The following GNB1L variants were observed in gnomAD, a reference collection of about 807,000 sequenced individuals.
GNB1L encodes the protein guanine nucleotide-binding protein subunit beta-like protein 1.
In GNB1L, 20 loss-of-function variants were observed where a neutral mutation model predicts 29.1. That is an observed-to-expected ratio of 0.69 (90% confidence interval 0.48 to 1.00). The LOEUF is 1.00. Ranked by LOEUF, GNB1L falls within the 50% of genes least tolerant of loss-of-function variation. The pLI is 0.00. For missense variants in GNB1L, 421 were observed against 464.9 expected (o/e 0.91, Z 0.87); for synonymous variants, 193 against 206.5 (o/e 0.93, Z 0.56).
At chr22:19,846,920 G>C (rs1937975207) in intron 2 of GNB1L, 1 of 985,162 alleles carries the variant, frequency 1.0e-6, no homozygotes, top group Non-Finnish European at 1.2e-6. Context: ...AGACAAACAG[G>C]TATGTTGCCC....
chr22:19,825,993 G>A (rs893919999), intron 2 of GNB1L, among the ~76,000 whole-genome samples: 6 of 152,072 alleles, frequency 3.9e-5, no homozygotes, highest in Non-Finnish European at 5.9e-5. Context: ...AATATTAAAC[G>A]CATCACTAAG....
chr22:19,841,042 G>T (rs1937852262), intron 2 of GNB1L, among the ~76,000 whole-genome samples: 1 of 152,226 alleles, frequency 6.6e-6, no homozygotes, highest in Non-Finnish European at 1.5e-5. Context: ...GGAGACAGGA[G>T]AGCAAACGCA....
intron 7 of GNB1L, among the ~76,000 whole-genome samples, chr22:19,798,541 T>A (rs940056349): frequency 6.6e-6 from 1 of 152,138 alleles, no homozygotes; most frequent in Non-Finnish European, 1.5e-5. Flanking sequence ...GCCACAGGCG[T>A]GTGGGGAGGT....
At chr22:19,844,677 G>A (rs1011816255) in intron 2 of GNB1L, among the ~76,000 whole-genome samples, 21 of 152,208 alleles carry the variant, frequency 1.4e-4, no homozygotes, top group Non-Finnish European at 5.9e-5. Flanking sequence ...GGGGATGTCC[G>A]TCGCCCCAGG....
chr22:19,792,536 C>G, intron 7 of GNB1L: 3 of 1,544,580 alleles, frequency 1.9e-6, no homozygotes, highest in South Asian at 2.2e-5. Flanking sequence ...CTGCAATTAA[C>G]CAGTTCACCT....
At chr22:19,845,780 CA>C (rs1274953134) in intron 2 of GNB1L, among the ~76,000 whole-genome samples, 2 of 152,254 alleles carry the variant, frequency 1.3e-5, no homozygotes, top group Non-Finnish European at 2.9e-5. Flanking sequence ...CCGAGGCCTG[CA>C]CCAGGAGAGT....
At chr22:19,806,906 T>C in intron 5 of GNB1L, 149 bp from the exon 6 acceptor site, 1 of 695,296 alleles carries the variant, frequency 1.4e-6, no homozygotes. Flanking sequence ...AGGCTCCTAA[T>C]TAGGCTGCAT....
chr22:19,804,272 C>T (rs1348512306), intron 6 of GNB1L, among the ~76,000 whole-genome samples: 2 of 152,226 alleles, frequency 1.3e-5, no homozygotes, highest in African/African-American at 2.4e-5. Flanking sequence ...CCTCCCTGCC[C>T]GCAGATGAGA....
chr22:19,804,898 A>T (rs888480736), intron 6 of GNB1L, among the ~76,000 whole-genome samples: 3 of 152,262 alleles, frequency 2.0e-5, no homozygotes, highest in Non-Finnish European at 4.4e-5. Flanking sequence ...GGGGTGGAAC[A>T]GGAGCCGTGC....
At chr22:19,850,564 G>A (rs1004566563) in intron 2 of GNB1L, 3 of 1,131,896 alleles carry the variant, frequency 2.7e-6, no homozygotes, top group African/African-American at 3.2e-5. Flanking sequence ...CAGCTGCCCA[G>A]AACTGCTGGT....
Position 19,788,624 on chromosome 22 carries a change from G to T in GNB1L, c.*85C>A. 1 of 1,522,736 alleles carries T rather than the reference G, an allele frequency of 6.6e-7. No homozygotes were observed. 94.3% of individuals were successfully genotyped at this position (1,522,736 alleles called of 1,614,324 possible). A position where few individuals can be genotyped will look rare whatever the true frequency, so the allele number is the denominator to read the frequency against. On this transcript the variant is annotated 3_prime_UTR_variant, in exon 8 of 8. Coordinates refer to ENST00000329517, the MANE Select transcript of GNB1L (RefSeq NM_053004.3). ...GGCCATGACTTGCTGGTCCTCAGAG[G>T]CCCTTGAGGTTTCAGGCCAAGGCTG...
At chr22:19,842,499 C>T (rs192662768) in intron 2 of GNB1L, among the ~76,000 whole-genome samples, 32 of 152,338 alleles carry the variant, frequency 2.1e-4, no homozygotes, top group African/African-American at 7.2e-4. Flanking sequence ...CAGCCCAGGA[C>T]GGGGGTGGGA....
At chr22:19,832,147 T>G (rs551387092) in intron 2 of GNB1L, among the ~76,000 whole-genome samples, 1 of 152,070 alleles carries the variant, frequency 6.6e-6, no homozygotes. Flanking sequence ...CTGGGCAACA[T>G]AGTCAGACCC....
At chr22:19,852,200 T>C in intron 2 of GNB1L, 1 of 1,613,730 alleles carries the variant, frequency 6.2e-7, no homozygotes, top group South Asian at 1.1e-5. Context: ...TGCGTTGGCA[T>C]AATTGGCGGC....
At chr22:19,851,409 C>T in intron 2 of GNB1L, 2 of 1,614,050 alleles carry the variant, frequency 1.2e-6, no homozygotes, top group Non-Finnish European at 1.7e-6. Flanking sequence ...GCTGGTTCCA[C>T]AGGACCAGGC....
intron 7 of GNB1L, 150 bp downstream of exon 7, chr22:19,801,851 C>T: frequency 1.5e-6 from 1 of 679,754 alleles, no homozygotes; most frequent in South Asian, 1.9e-5. Flanking sequence ...CTTCCTGCGC[C>T]AGCCATGGAC....
At chr22:19,817,773 C>T (rs1937542510) in intron 4 of GNB1L, among the ~76,000 whole-genome samples, 1 of 152,170 alleles carries the variant, frequency 6.6e-6, no homozygotes, top group African/African-American at 2.4e-5. Flanking sequence ...GCTCGGGGGC[C>T]CTGCGCTCTA....
In GNB1L at chr22:19,820,711, G is replaced by A. The variant is rs754767322; in HGVS notation, c.141C>T (p.Gly47=). 59 of 1,612,348 alleles carry A rather than the reference G, an allele frequency of 3.7e-5. 1 individual carries two copies. The South Asian group carries it at 6.4e-4, about 17-fold the overall frequency. ...TCTGCAGGCTCCAGATGTGTACCAG[G>A]CCACTCTGAGACCTGTTTCAGACAA... ...RPLLFSGSQS[G]LVHIWSLQTR... is the part of the protein sequence containing the mutation. The change falls in exon 4 of 8, where the codon GGC becomes GGT. Residue 47 remains glycine, a synonymous_variant. Coordinates refer to ENST00000329517, the MANE Select transcript of GNB1L (RefSeq NM_053004.3).
rs1937180479 is a variant in GNB1L, at chr22:19,785,104, A to T, written c.*3605T>A. Reference sequence around the variant, plus strand: ...ACATGGAAATTCTTCCAATAAGAACAGGATGGTGGGCCGGGCGCAGTGGCT... The same window carrying T: ...ACATGGAAATTCTTCCAATAAGAACTGGATGGTGGGCCGGGCGCAGTGGCT... On this transcript the variant is annotated 3_prime_UTR_variant, in exon 8 of 8. Coordinates refer to ENST00000329517, the MANE Select transcript of GNB1L (RefSeq NM_053004.3). The surrounding 1 kb of genome is among the most constrained non-coding windows in gnomAD (Gnocchi z 4.1). 1 of 152,248 alleles carries T rather than the reference A, an allele frequency of 6.6e-6. No homozygotes were observed. The highest frequency in any genetic ancestry group is 2.1e-4 in the South Asian group (1 of 4,834). 9.4% of individuals were successfully genotyped at this position (152,248 alleles called of 1,614,324 possible).
Sources: gnomAD v4.1 joint callset for allele counts (sites outside exome capture counted in the v4.1 genomes callset) on GRCh38, gnomAD v4.1.1 for gene constraint, Gnocchi (gnomAD v3.1) non-coding constraint, MANE v1.5 for transcripts, NCBI Gene and HGNC (gene_info 2026-07-23, HGNC 2026-07-21) for gene names.